The following INPP4B variants were observed in gnomAD, a reference collection of about 807,000 sequenced individuals.
INPP4B encodes inositol polyphosphate 4-phosphatase type II.
INPP4B carries 55 observed loss-of-function variants against 122.5 expected under a neutral mutation model. The observed-to-expected ratio is 0.45, with a 90% CI of 0.36 to 0.56. INPP4B has a LOEUF of 0.56. INPP4B is among the 20% of genes least tolerant of loss of function. The pLI is 0.00. For synonymous variants in INPP4B, 403 were observed against 388.7 expected (o/e 1.04, Z -0.43); for missense variants, 1,000 against 1,097.7 (o/e 0.91, Z 1.26).
At chr4:142,288,393 G>A (rs1754834183) in intron 9 of INPP4B, among the ~76,000 whole-genome samples, 1 of 152,152 alleles carries the variant, frequency 6.6e-6, no homozygotes. Context: ...GACCATCCTG[G>A]TTAACATGGT....
At position 142,164,773 on chromosome 4, in the gene INPP4B, G is replaced by C. The variant is rs1206966238; in HGVS notation, c.1360-4212C>G. On this transcript the variant is annotated intron_variant, in intron 16 of 25. Transcript: ENST00000262992. Reference sequence around the variant, plus strand: ...ATTTTTAATTTTTATTTTTATTGTAGAAACAGGGTCTCACTATGTTGCCTG... The same window carrying C: ...ATTTTTAATTTTTATTTTTATTGTACAAACAGGGTCTCACTATGTTGCCTG... Among the ~76,000 whole-genome samples, 3 of 151,098 alleles carry C rather than the reference G, an allele frequency of 2.0e-5. No homozygotes were observed. The Middle Eastern group carries it at 0.01, about 517-fold the overall frequency.
chr4:142,055,925 G>A (rs536766276), intron 25 of INPP4B, among the ~76,000 whole-genome samples: 4 of 151,938 alleles, frequency 2.6e-5, no homozygotes, highest in Non-Finnish European at 2.9e-5. Context: ...TCACCACAAT[G>A]TGGAATCAGT....
chr4:142,595,592 G>A (rs750327612), intron 2 of INPP4B, among the ~76,000 whole-genome samples: 1 of 152,136 alleles, frequency 6.6e-6, no homozygotes, highest in Non-Finnish European at 1.5e-5. Flanking sequence ...AGAAGAGAGA[G>A]TACTATTTTT....
At chr4:142,201,712 AT>A (rs1840703103) in intron 14 of INPP4B, among the ~76,000 whole-genome samples, 1 of 152,124 alleles carries the variant, frequency 6.6e-6, no homozygotes, top group Admixed American at 6.6e-5. Context: ...AGAAAAAAAA[AT>A]AACCTATAAG....
chr4:142,148,894 G>T (rs1156993988), intron 17 of INPP4B, among the ~76,000 whole-genome samples: 2 of 152,154 alleles, frequency 1.3e-5, no homozygotes, highest in African/African-American at 4.8e-5. Flanking sequence ...ATTTATTAGG[G>T]TGAGAAATTG....
At chr4:142,045,924 G>A (rs1751115775) in intron 25 of INPP4B, among the ~76,000 whole-genome samples, 1 of 151,966 alleles carries the variant, frequency 6.6e-6, no homozygotes, top group South Asian at 2.1e-4. Flanking sequence ...TAAGCCCTGA[G>A]GAAAAATATG....
intron 16 of INPP4B, among the ~76,000 whole-genome samples, chr4:142,172,470 C>T (rs1023277795): frequency 6.6e-6 from 1 of 151,890 alleles, no homozygotes; most frequent in African/African-American, 2.4e-5. Context: ...ATTTTCCTCC[C>T]TTTTCACGAC....
intron 25 of INPP4B, among the ~76,000 whole-genome samples, chr4:142,072,766 T>A (rs1416903470): frequency 1.3e-5 from 2 of 152,096 alleles, no homozygotes; most frequent in African/African-American, 2.4e-5. Context: ...TTGTCTCTTT[T>A]AGCGCTCATG....
At chr4:142,041,594 G>T (rs556914620) in intron 25 of INPP4B, among the ~76,000 whole-genome samples, 1 of 152,092 alleles carries the variant, frequency 6.6e-6, no homozygotes, top group African/African-American at 2.4e-5. Flanking sequence ...CTCCAGCCTG[G>T]GCAACAAGAG....
chr4:142,769,782 T>C (rs1232552593), intron 1 of INPP4B, among the ~76,000 whole-genome samples: 1 of 151,916 alleles, frequency 6.6e-6, no homozygotes. Context: ...GGTGTGGTGG[T>C]GCACCCCTGT....
chr4:142,656,305 TCCC>T (rs1168679633), intron 2 of INPP4B, among the ~76,000 whole-genome samples: 1 of 152,150 alleles, frequency 6.6e-6, no homozygotes, highest in Non-Finnish European at 1.5e-5. Context: ...CAGATAAGAA[TCCC>T]GTCTGTAGCA....
intron 1 of INPP4B, among the ~76,000 whole-genome samples, chr4:142,811,099 G>A (rs1188146058): frequency 6.6e-6 from 1 of 152,178 alleles, no homozygotes; most frequent in African/African-American, 2.4e-5. Context: ...CTTATAAGGA[G>A]TCACTTAAAG....
At chr4:142,288,746 T>C (rs1333644720) in intron 9 of INPP4B, among the ~76,000 whole-genome samples, 1 of 152,194 alleles carries the variant, frequency 6.6e-6, no homozygotes, top group East Asian at 1.9e-4. Flanking sequence ...CGATATAGTA[T>C]TGGGTAATTT....
At chr4:142,552,318 G>T (rs1728161253) in intron 2 of INPP4B, among the ~76,000 whole-genome samples, 1 of 151,992 alleles carries the variant, frequency 6.6e-6, no homozygotes, top group Non-Finnish European at 1.5e-5. Flanking sequence ...TTTCTAACTG[G>T]CTCCCCAATG....
intron 25 of INPP4B, among the ~76,000 whole-genome samples, chr4:142,041,114 G>T (rs1410245498): frequency 6.6e-6 from 1 of 151,984 alleles, no homozygotes; most frequent in Non-Finnish European, 1.5e-5. Flanking sequence ...AAAGTAGCCT[G>T]GGAAATTTAG....
intron 1 of INPP4B, among the ~76,000 whole-genome samples, chr4:142,813,455 T>A (rs1021634236): frequency 3.9e-5 from 6 of 152,136 alleles, no homozygotes; most frequent in Non-Finnish European, 8.8e-5. Context: ...ATGCAGTAAA[T>A]AAGTATAACA....
At chr4:142,156,302 C>T (rs1817166718) in intron 17 of INPP4B, among the ~76,000 whole-genome samples, 1 of 152,010 alleles carries the variant, frequency 6.6e-6, no homozygotes, top group East Asian at 1.9e-4. Flanking sequence ...GAAATTAAAT[C>T]ACAGTGTTCC....
At chr4:142,673,922 A>T (rs965966386) in intron 2 of INPP4B, among the ~76,000 whole-genome samples, 1 of 152,106 alleles carries the variant, frequency 6.6e-6, no homozygotes, top group Non-Finnish European at 1.5e-5. Flanking sequence ...TTCAGGCCCC[A>T]GGAACTCATT....
chr4:142,398,401 AATATATATATATATATATATAT>A (rs1206023677), intron 7 of INPP4B, among the ~76,000 whole-genome samples: 129 of 28,410 alleles, frequency 4.5e-3, no homozygotes, highest in South Asian at 8.9e-3. Context: ...AAAAAAAAAA[AATATATATATATATATATATAT>A]ATATATATAT....
Sources: gnomAD v4.1 joint callset for allele counts (sites outside exome capture counted in the v4.1 genomes callset) on GRCh38, gnomAD v4.1.1 for gene constraint, MANE v1.5 for transcripts, NCBI Gene and HGNC (gene_info 2026-07-23, HGNC 2026-07-21) for gene names.